The following NRG3 variants were observed in gnomAD, a reference collection of about 807,000 sequenced individuals.
NRG3 encodes the protein pro-neuregulin-3, membrane-bound isoform.
NRG3 carries 31 observed loss-of-function variants against 66.9 expected under a neutral mutation model. The observed-to-expected ratio is 0.46, with a 90% CI of 0.35 to 0.63. The LOEUF is 0.63. Among genes scored for constraint, NRG3 ranks in the 20% least tolerant of loss-of-function variants. The probability of loss-of-function intolerance (pLI) is 0.00; values close to 1 mark genes in which losing one functional copy is unlikely to be tolerated. For missense variants in NRG3, 910 were observed against 878.9 expected, an observed-to-expected ratio of 1.04 and a Z score of -0.45; for synonymous variants, 393 against 359.4, an observed-to-expected ratio of 1.09 and a Z score of -1.06.
intron 1 of NRG3, among the ~76,000 whole-genome samples, chr10:82,116,812 T>C (rs1256525696): frequency 6.6e-6 from 1 of 152,110 alleles, no homozygotes; most frequent in Non-Finnish European, 1.5e-5. Context: ...CTGCCCGATT[T>C]ATAGAAGAAA....
At chr10:81,931,362 C>A (rs1345798531) in intron 1 of NRG3, among the ~76,000 whole-genome samples, 3 of 152,144 alleles carry the variant, frequency 2.0e-5, no homozygotes, top group African/African-American at 7.2e-5. Context: ...CTTCCAGGAA[C>A]CAGGTTCAAA....
chr10:82,058,246 C>T (rs1404883109), intron 1 of NRG3, among the ~76,000 whole-genome samples: 4 of 151,670 alleles, frequency 2.6e-5, no homozygotes, highest in African/African-American at 9.7e-5. Flanking sequence ...ATTTTTTTCC[C>T]TAGTTTGTTA....
rs116926627 is a variant in NRG3, at chr10:82,124,201, G to A, written c.824-234538G>A. On this transcript the variant is annotated intron_variant, in intron 1 of 8. Coordinates refer to ENST00000372141, the MANE Select transcript of NRG3 (RefSeq NM_001010848.4). ...ATTGGGAAATTCTGAATAGGATAGC[G>A]TTATGGAGAATTGGCTTTCGAACTG... is the stretch of plus-strand genomic sequence containing the variant. Among the ~76,000 whole-genome samples the A allele has an allele frequency of 8.2e-3, 1,249 of 152,072 alleles. 23 individuals carry two copies. Among genetic ancestry groups the A allele is most frequent in the Non-Finnish European group, 0.014 (933 of 67,956 alleles).
At position 82,337,879 on chromosome 10, in the gene NRG3, G is replaced by T. The variant is rs932468383; in HGVS notation, c.824-20860G>T. ...CATTGGGGTCTTTACTCATAAAAATGAATAATAAGTAATATTTTAATCATA... is the reference window on the plus strand; with the variant it reads ...CATTGGGGTCTTTACTCATAAAAATTAATAATAAGTAATATTTTAATCATA... On this transcript the variant is annotated intron_variant, in intron 1 of 8. Transcript: ENST00000372141. Among the ~76,000 whole-genome samples, 23 of 152,178 alleles carry T rather than the reference G, an allele frequency of 1.5e-4. No individual in the cohort carries two copies. The South Asian group carries it at 4.6e-3, about 30-fold the overall frequency.
intron 3 of NRG3, among the ~76,000 whole-genome samples, chr10:82,760,068 A>G (rs1311255732): frequency 6.6e-6 from 1 of 152,142 alleles, no homozygotes; most frequent in Non-Finnish European, 1.5e-5. Flanking sequence ...AACCTCCTGG[A>G]TACTTGCAGA....
chr10:82,894,942 G>T (rs1843505232), intron 4 of NRG3, among the ~76,000 whole-genome samples: 1 of 152,054 alleles, frequency 6.6e-6, no homozygotes, highest in Non-Finnish European at 1.5e-5. Context: ...TCCCCTCTCT[G>T]TGTCCATGCG....
chr10:82,738,090 A>AG (rs397703359), intron 2 of NRG3, among the ~76,000 whole-genome samples: 2 of 151,518 alleles, frequency 1.3e-5, no homozygotes, highest in East Asian at 1.9e-4. Context: ...AAAAAAAAAA[A>AG]GTAGGACTAA....
At chr10:82,745,817 C>G (rs1286482979) in intron 3 of NRG3, among the ~76,000 whole-genome samples, 1 of 152,098 alleles carries the variant, frequency 6.6e-6, no homozygotes, top group East Asian at 1.9e-4. Context: ...GAGATAACCA[C>G]TGATAATCAA....
chr10:82,514,690 G>A (rs1199210891), intron 2 of NRG3, among the ~76,000 whole-genome samples: 2 of 151,936 alleles, frequency 1.3e-5, no homozygotes, highest in Non-Finnish European at 1.5e-5. Flanking sequence ...GCATACCTTG[G>A]CTATAAGGGC....
At chr10:82,741,501 T>G (rs1049103611) in intron 3 of NRG3, among the ~76,000 whole-genome samples, 3 of 152,168 alleles carry the variant, frequency 2.0e-5, no homozygotes, top group Non-Finnish European at 2.9e-5. Flanking sequence ...CCCACTTCCC[T>G]TATTCCTCAC....
intron 1 of NRG3, among the ~76,000 whole-genome samples, chr10:82,163,747 A>C (rs950576281): frequency 6.6e-6 from 1 of 152,110 alleles, no homozygotes; most frequent in Non-Finnish European, 1.5e-5. Context: ...AGTCATGGAC[A>C]AGGTAGGCCG....
intron 4 of NRG3, among the ~76,000 whole-genome samples, chr10:82,879,786 T>G (rs2136050022): frequency 6.6e-6 from 1 of 152,206 alleles, no homozygotes; most frequent in Non-Finnish European, 1.5e-5. Flanking sequence ...TAATGAAGAC[T>G]TTTTAAAGTT....
intron 1 of NRG3, among the ~76,000 whole-genome samples, chr10:82,147,773 T>C (rs988775618): frequency 6.6e-6 from 1 of 152,234 alleles, no homozygotes; most frequent in African/African-American, 2.4e-5. Flanking sequence ...ACTAATTTAT[T>C]TCTGTGAATG....
intron 1 of NRG3, among the ~76,000 whole-genome samples, chr10:82,238,919 T>TATATATATATATATATATATATATATAC (rs372472574): frequency 0.016 from 2,250 of 141,654 alleles, 43 homozygotes; most frequent in African/African-American, 0.027. Context: ...ACCGTATATA[T>TATATATATATATATATATATATATATAC]ATATATATAA....
At chr10:82,263,249 C>T (rs969323226) in intron 1 of NRG3, among the ~76,000 whole-genome samples, 2 of 151,928 alleles carry the variant, frequency 1.3e-5, no homozygotes, top group Non-Finnish European at 2.9e-5. Flanking sequence ...AAAACGGATA[C>T]AAGATAGAGA....
intron 2 of NRG3, among the ~76,000 whole-genome samples, chr10:82,482,011 A>G (rs933832753): frequency 5.9e-5 from 9 of 152,156 alleles, no homozygotes; most frequent in Non-Finnish European, 1.2e-4. Flanking sequence ...ACAATTCTGT[A>G]GTAGAAATAC....
chr10:82,319,532 C>G (rs777926843), intron 1 of NRG3, among the ~76,000 whole-genome samples: 1 of 152,138 alleles, frequency 6.6e-6, no homozygotes, highest in South Asian at 2.1e-4. Flanking sequence ...AAATTATTTT[C>G]CCTTGTTCTT....
At chr10:82,110,622 A>C (rs1329350596) in intron 1 of NRG3, among the ~76,000 whole-genome samples, 2 of 151,966 alleles carry the variant, frequency 1.3e-5, no homozygotes, top group Non-Finnish European at 2.9e-5. Flanking sequence ...TTAATAAGTG[A>C]GATTTTGTTA....
At chr10:82,399,138 CATG>C (rs1365622769) in intron 2 of NRG3, among the ~76,000 whole-genome samples, 1 of 152,084 alleles carries the variant, frequency 6.6e-6, no homozygotes, top group Non-Finnish European at 1.5e-5. Flanking sequence ...AAATTAGAAT[CATG>C]ATAATTAACA....
Sources: gnomAD v4.1 joint callset for allele counts (sites outside exome capture counted in the v4.1 genomes callset) on GRCh38, gnomAD v4.1.1 for gene constraint, MANE v1.5 for transcripts, NCBI Gene and HGNC (gene_info 2026-07-23, HGNC 2026-07-21) for gene names.